TEX22: variants seen among roughly 807,000 people sequenced by gnomAD.
TEX22 encodes the protein testis expressed 22.
A neutral mutation model predicts 11.3 loss-of-function variants in TEX22; 16 were observed. The ratio of observed to expected loss-of-function variants is 1.42; its 90% CI spans 0.96 to 2.15. TEX22 has a LOEUF of 2.15. Ranked by LOEUF, TEX22 falls within the 30% of genes most tolerant of loss-of-function variation. The probability of loss-of-function intolerance (pLI) is 0.00; values close to 1 mark genes in which losing one functional copy is unlikely to be tolerated. For missense variants in TEX22, 220 were observed against 208.6 expected (o/e 1.05, Z -0.34); for synonymous variants, 97 against 92.3 (o/e 1.05, Z -0.29).
Position 105,411,463 on chromosome 14 carries a change from G to T in TEX22, c.246G>T (p.Arg82Ser). 1.6e-6 allele frequency: 2 copies of T among 1,232,534 alleles called. No homozygotes were observed. Among genetic ancestry groups the T allele is most frequent in the Non-Finnish European group, 2.0e-6 (2 of 989,782 alleles). The allele number at this position is 1,232,534 out of a possible 1,614,324, so 76.3% of individuals were successfully genotyped here. ...TGGCCACGCTGGGCGGCCGGGAGAG[G>T]CCGGGCGCCGCCGGGACCCAGCTGC... The part of the protein sequence containing the change: ...RRLATLGGRE[R>S]PGAAGTQLHC... Residue 82 changes from arginine to serine, a missense_variant, in exon 3 of 4, where the codon AGG becomes AGT. Coordinates refer to ENST00000451127, the MANE Select transcript of TEX22 (RefSeq NM_001195082.2).
rs1247907801 is a variant in TEX22, at chr14:105,408,414, GTGTTT to G, written c.151-2948_151-2944del. ...CCACCACCACACCCAGCTAATTTTTGTGTTTTGTTTGTTTGTTTTTTGTTTTTGAG... is the reference window on the plus strand; with the variant it reads ...CCACCACCACACCCAGCTAATTTTTGTGTTTGTTTGTTTTTTGTTTTTGAG... On this transcript the variant is annotated intron_variant, in intron 2 of 3. Coordinates refer to ENST00000451127, the MANE Select transcript of TEX22 (RefSeq NM_001195082.2). 3.3e-5 allele frequency among the ~76,000 whole-genome samples: 5 copies of G among 151,360 alleles called. No homozygotes were observed. The East Asian group carries it at 5.8e-4, about 18-fold the overall frequency.
At chr14:105,408,671 G>A (rs914830942) in intron 2 of TEX22, among the ~76,000 whole-genome samples, 9 of 152,086 alleles carry the variant, frequency 5.9e-5, no homozygotes, top group Non-Finnish European at 1.3e-4. Flanking sequence ...TGATCTGCCC[G>A]CCTCGGCCTC....
rs113144512 is a variant in TEX22, at chr14:105,402,557, A to G, written c.150+3067A>G. Among the ~76,000 whole-genome samples, 335 of 151,934 alleles carry G rather than the reference A, an allele frequency of 2.2e-3. 1 individual carries two copies. The highest frequency in any genetic ancestry group is 3.9e-3 in the Non-Finnish European group (266 of 68,014). On this transcript the variant is annotated intron_variant, in intron 2 of 3. Coordinates refer to ENST00000451127, the MANE Select transcript of TEX22 (RefSeq NM_001195082.2). ...ATCACAAGGTCTGGAGATCAAGACC[A>G]TCCTGGCTAACACGGTGAAACCCCG...
intron 2 of TEX22, among the ~76,000 whole-genome samples, chr14:105,400,444 C>A (rs1407499468): frequency 1.3e-5 from 2 of 152,166 alleles, no homozygotes; most frequent in Non-Finnish European, 2.9e-5. Context: ...TATAAATACA[C>A]ATAGGTCACC....
At chr14:105,404,534 A>G (rs1555418738) in intron 2 of TEX22, among the ~76,000 whole-genome samples, 2 of 152,206 alleles carry the variant, frequency 1.3e-5, no homozygotes, top group Non-Finnish European at 2.9e-5. Flanking sequence ...TTAAGAAATT[A>G]TGTACTGAGA....
intron 1 of TEX22, among the ~76,000 whole-genome samples, chr14:105,398,836 C>T (rs1008875689): frequency 5.3e-5 from 8 of 152,342 alleles, no homozygotes; most frequent in Admixed American, 5.2e-4. Context: ...GTAAGGGCTC[C>T]GGGCTGGGCC....
At chr14:105,402,737 C>A (rs1595218980) in intron 2 of TEX22, among the ~76,000 whole-genome samples, 1 of 131,134 alleles carries the variant, frequency 7.6e-6, no homozygotes, top group Non-Finnish European at 1.5e-5. Context: ...GCCTGGGCGA[C>A]AGAGCGAGAC....
At chr14:105,402,482 T>G (rs111443109) in intron 2 of TEX22, among the ~76,000 whole-genome samples, 1 of 151,412 alleles carries the variant, frequency 6.6e-6, no homozygotes, top group Admixed American at 6.6e-5. Context: ...TGGCCGGGTG[T>G]GGTGGCTCAC....
rs1243747756 is a variant in TEX22, at chr14:105,412,081, C to T, written c.*248C>T. ...CCGGGTCAGTCTGAGAGGGCCCTGG[C>T]AAGGCCTGGGTAGCAGGAGCTTGCC... is the stretch of plus-strand genomic sequence containing the variant. On this transcript the variant is annotated 3_prime_UTR_variant, in exon 4 of 4. Transcript: ENST00000451127. The surrounding 1 kb of genome is among the most constrained non-coding windows in gnomAD (Gnocchi z 5.8). The T allele has an allele frequency of 1.3e-5, 5 of 370,996 alleles. No homozygotes were observed. The highest frequency in any genetic ancestry group is 1.0e-4 in the African/African-American group (5 of 47,806). The allele number at this position is 370,996 out of a possible 1,614,324, so 23.0% of individuals were successfully genotyped here. A position where few individuals can be genotyped will look rare whatever the true frequency, so the allele number is the denominator to read the frequency against.
chr14:105,399,237 G>C, intron 1 of TEX22, 65 bp from the exon 2 acceptor site: 1 of 947,154 alleles, frequency 1.1e-6, no homozygotes, highest in African/African-American at 1.6e-5. Context: ...CAGGGACTCA[G>C]GTATTGGTGG....
rs587662787 is a variant in TEX22, at chr14:105,413,283, C to G, written c.*1450C>G. 1.3e-5 allele frequency: 2 copies of G among 152,438 alleles called. No individual in the cohort carries two copies. Among genetic ancestry groups the G allele is most frequent in the East Asian group, 3.8e-4 (2 of 5,206 alleles). The allele number at this position is 152,438 out of a possible 1,614,324, so 9.4% of individuals were successfully genotyped here. A position where few individuals can be genotyped will look rare whatever the true frequency, so the allele number is the denominator to read the frequency against. On this transcript the variant is annotated 3_prime_UTR_variant, in exon 4 of 4. Transcript: ENST00000451127. The surrounding 1 kb of genome is among the most constrained non-coding windows in gnomAD (Gnocchi z 4.2). ...GGGAGTTTTGGGTCATGACCCACCCCCTCTGAGGCCCCTGATGATGATGTG... is the reference window on the plus strand; with the variant it reads ...GGGAGTTTTGGGTCATGACCCACCCGCTCTGAGGCCCCTGATGATGATGTG...
chr14:105,399,434 T>A lies in TEX22; in HGVS notation c.94T>A (p.Trp32Arg). The change falls in exon 2 of 4, where the codon TGG (tryptophan) becomes AGG (arginine). Residue 32 changes from tryptophan (W) to arginine (R), a missense_variant. Physicochemically the swap from Trp to Arg is moderately radical, Grantham distance 101. Transcript: ENST00000451127. Reference protein sequence around the residue: ...RRPPLGLIAAWGQPSIQSSVQ... With the variant: ...RRPPLGLIAARGQPSIQSSVQ... ...GCCCCCACTGGGCCTGATAGCAGCC[T>A]GGGGCCAGCCCAGTATCCAGAGCAG... 1.3e-6 allele frequency: 2 copies of A among 1,535,796 alleles called. No individual in the cohort carries two copies. Among genetic ancestry groups the A allele is most frequent in the Non-Finnish European group, 1.7e-6 (2 of 1,146,776 alleles).
rs2081600103 is a variant in TEX22 at position 105,398,642 on chromosome 14, C to T, written c.-40+7C>T. The T allele has an allele frequency of 6.6e-6, 1 of 152,342 alleles. No homozygotes were observed. The allele number at this position is 152,342 out of a possible 1,614,324, so 9.4% of individuals were successfully genotyped here. On this transcript the variant is annotated splice_region_variant and intron_variant, in intron 1 of 3. Transcript: ENST00000451127. ...GCCTCTCCATCCGCGGCGGGTCTGT[C>T]CCTCCTTCTGTCTCCGGGTGCCCAC...
Position 105,411,884 on chromosome 14 carries a change from C to G in TEX22, c.*51C>G. 7.2e-7 allele frequency: 1 copy of G among 1,381,072 alleles called. No individual in the cohort carries two copies. The highest frequency in any genetic ancestry group is 1.5e-5 in the African/African-American group (1 of 65,948). The allele number at this position is 1,381,072 out of a possible 1,614,324, so 85.6% of individuals were successfully genotyped here. A position where few individuals can be genotyped will look rare whatever the true frequency, so the allele number is the denominator to read the frequency against. ...CTTCCAGTGCCTTTCCTTGGGGGCC[C>G]ACGGTGGGGGCAGCCTCTGCGCCTT... is the stretch of plus-strand genomic sequence containing the variant. On this transcript the variant is annotated 3_prime_UTR_variant, in exon 4 of 4. Transcript: ENST00000451127.
At position 105,409,791 on chromosome 14, in the gene TEX22, T is replaced by G. The variant is rs1325317583; in HGVS notation, c.151-1577T>G. ...TCTTTTTCTTTCTCTCTCTCTTTTT[T>G]TTTTTTCCAGAGTCTTACTCTGTCA... On this transcript the variant is annotated intron_variant, in intron 2 of 3. Transcript: ENST00000451127. 4.0e-5 allele frequency among the ~76,000 whole-genome samples: 6 copies of G among 150,980 alleles called. No individual in the cohort carries two copies. In the South Asian group the frequency reaches 6.3e-4, roughly 16 times the overall value.
chr14:105,399,220 C>T (rs1258122968), intron 1 of TEX22, 82 bp from the exon 2 acceptor site: 6 of 787,194 alleles, frequency 7.6e-6, no homozygotes, highest in Non-Finnish European at 1.2e-5. Flanking sequence ...CTGCCACCAT[C>T]TGCCCCCAGG....
intron 2 of TEX22, among the ~76,000 whole-genome samples, chr14:105,410,784 G>T (rs2081685434): frequency 6.6e-6 from 1 of 152,260 alleles, no homozygotes; most frequent in Admixed American, 6.5e-5. Flanking sequence ...CCTTCTTGGG[G>T]GATAGAGGTC....
intron 2 of TEX22, among the ~76,000 whole-genome samples, chr14:105,405,669 G>A (rs922186346): frequency 3.0e-4 from 46 of 152,340 alleles, no homozygotes; most frequent in African/African-American, 1.1e-3. Context: ...AGCCGTGAGC[G>A]TGAGTCTCAT....
Position 105,412,699 on chromosome 14 carries a change from T to C in TEX22, c.*866T>C, listed in dbSNP as rs1180796602. 2.4e-5 allele frequency: 1 copy of C among 41,650 alleles called. No individual in the cohort carries two copies. The highest frequency in any genetic ancestry group is 9.2e-5 in the African/African-American group (1 of 10,870). The allele number at this position is 41,650 out of a possible 1,614,324, so 2.6% of individuals were successfully genotyped here. On this transcript the variant is annotated 3_prime_UTR_variant, in exon 4 of 4. Transcript: ENST00000451127. The surrounding 1 kb of genome is among the most constrained non-coding windows in gnomAD (Gnocchi z 5.8). ...GTGAGCATGGGTTCCCAGCCCGGGG[T>C]GGGTGGGGGTGGGGAAAGGGCCCTG...
Sources: allele counts gnomAD v4.1 joint callset (sites outside exome capture counted in the v4.1 genomes callset), GRCh38; gene constraint gnomAD v4.1.1; non-coding constraint Gnocchi (gnomAD v3.1); transcripts MANE v1.5; gene names NCBI Gene and HGNC (gene_info 2026-07-23, HGNC 2026-07-21).